The following OTULIN variants were observed in gnomAD, a reference collection of about 807,000 sequenced individuals.
OTULIN encodes OTU deubiquitinase with linear linkage specificity.
A neutral mutation model predicts 39.6 loss-of-function variants in OTULIN; 15 were observed. The observed-to-expected ratio is 0.38, with a 90% confidence interval of 0.25 to 0.58. The LOEUF is 0.58. Among genes scored for constraint, OTULIN ranks in the 20% least tolerant of loss-of-function variants. The probability of loss-of-function intolerance (pLI) is 0.66; values close to 1 mark genes in which losing one functional copy is unlikely to be tolerated. For missense variants in OTULIN, 319 were observed against 445.9 expected (o/e 0.72, Z 2.56); for synonymous variants, 156 against 170.3 (o/e 0.92, Z 0.65).
chr5:14,690,108 G>A lies in OTULIN; in HGVS notation c.664G>A (p.Glu222Lys), dbSNP rs1444821186. Residue 222 changes from glutamate (E) to lysine (K), a missense_variant, in exon 6 of 7, where the codon GAG becomes AAG. By Grantham distance (56) the Glu-to-Lys change is moderately conservative (BLOSUM62 1). This residue lies in a region of OTULIN where 106 missense variants were observed against 192.8 expected (regional missense o/e 0.55). Coordinates refer to ENST00000284274, the MANE Select transcript of OTULIN (RefSeq NM_138348.6). This position sits in a 1 kb window ranked among gnomAD's most constrained non-coding sequence, Gnocchi z 4.5. ...AGCTTGTGATGAACTATTCACAAAT[G>A]AGGCGGAGGAATATAGCCTCTATGA... Reference protein sequence around the residue: ...QIACDELFTNEAEEYSLYEAV... With the variant: ...QIACDELFTNKAEEYSLYEAV... The A allele has an allele frequency of 6.2e-7, 1 of 1,614,196 alleles. No homozygotes were observed.
chr5:14,688,486 T>G (rs1211441322), intron 5 of OTULIN, among the ~76,000 whole-genome samples: 1 of 152,224 alleles, frequency 6.6e-6, no homozygotes, highest in African/African-American at 2.4e-5. Flanking sequence ...GTGCATTCCT[T>G]GACACCCTGT....
intron 6 of OTULIN, 134 bp from the exon 7 acceptor site, chr5:14,692,719 TG>T: frequency 1.7e-6 from 1 of 597,218 alleles, no homozygotes; most frequent in Non-Finnish European, 2.9e-6. Flanking sequence ...GGATTGGGGC[TG>T]GGCCCAAAGC....
rs553496705 is a variant in OTULIN, at chr5:14,679,952, A to T, written c.324+1177A>T. 5.3e-5 allele frequency among the ~76,000 whole-genome samples: 8 copies of T among 152,316 alleles called. No homozygotes were observed. In the South Asian group the frequency reaches 1.5e-3, roughly 28 times the overall value. On this transcript the variant is annotated intron_variant, in intron 3 of 6. Coordinates refer to ENST00000284274, the MANE Select transcript of OTULIN (RefSeq NM_138348.6). Reference sequence around the variant, plus strand: ...ATTTTCCAACCTCTAGCCCATCAGGACCCATGGCAGTAATTAGAGCATCTC... The same window carrying T: ...ATTTTCCAACCTCTAGCCCATCAGGTCCCATGGCAGTAATTAGAGCATCTC...
intron 2 of OTULIN, among the ~76,000 whole-genome samples, chr5:14,677,385 T>C (rs565392611): frequency 3.9e-5 from 6 of 152,354 alleles, no homozygotes; most frequent in Non-Finnish European, 8.8e-5. Flanking sequence ...ATTTTTATTT[T>C]ATGTACAACT....
chr5:14,666,680 G>A (rs993206114), intron 1 of OTULIN, among the ~76,000 whole-genome samples: 1 of 152,118 alleles, frequency 6.6e-6, no homozygotes, highest in Non-Finnish European at 1.5e-5. Flanking sequence ...CCTTATTTTT[G>A]TTGCGTTTGA....
Position 14,694,409 on chromosome 5 carries a change from C to T in OTULIN, c.*1361C>T, listed in dbSNP as rs1434747473. On this transcript the variant is annotated 3_prime_UTR_variant, in exon 7 of 7. Coordinates refer to ENST00000284274, the MANE Select transcript of OTULIN (RefSeq NM_138348.6). ...GTTCACATGAACCGGAGACATCACT[C>T]TTTAGGATTCTACTGGCAGCCCCTG... 2 of 152,198 alleles carry T rather than the reference C, an allele frequency of 1.3e-5. No homozygotes were observed. Among genetic ancestry groups the T allele is most frequent in the African/African-American group, 4.8e-5 (2 of 41,446 alleles). 9.4% of individuals were successfully genotyped at this position (152,198 alleles called of 1,614,324 possible).
the OTULIN span, among the ~76,000 whole-genome samples, chr5:14,711,801 G>A: frequency 1.3e-5 from 2 of 152,194 alleles, no homozygotes. Context: ...TCACTTCCCT[G>A]CCATGTTGCC....
the OTULIN span, chr5:14,709,897 A>G: frequency 4.1e-4 from 63 of 152,750 alleles, no homozygotes; most frequent in Admixed American, 5.9e-4. Context: ...CATATACAGC[A>G]TATATTTATA....
chr5:14,690,855 C>T lies in OTULIN; in HGVS notation c.864+547C>T, dbSNP rs116283052. Among the ~76,000 whole-genome samples the T allele has an allele frequency of 9.7e-3, 1,478 of 152,314 alleles. 26 individuals carry two copies. The highest frequency in any genetic ancestry group is 0.033 in the African/African-American group (1,390 of 41,564). On this transcript the variant is annotated intron_variant, in intron 6 of 6. Coordinates refer to ENST00000284274, the MANE Select transcript of OTULIN (RefSeq NM_138348.6). The surrounding 1 kb of genome is among the most constrained non-coding windows in gnomAD (Gnocchi z 4.5). ...TTTACAGTCACCACCGTTATCTCAGCCTGGGCTTTATTCTTCAGAGGGGTG... is the reference window on the plus strand; with the variant it reads ...TTTACAGTCACCACCGTTATCTCAGTCTGGGCTTTATTCTTCAGAGGGGTG...
At chr5:14,712,951 C>T in the OTULIN span, 35 of 1,613,184 alleles carry the variant, frequency 2.2e-5, no homozygotes, top group Non-Finnish European at 2.6e-5. Flanking sequence ...AGGGAGCCCA[C>T]GCCCAGGGTC....
chr5:14,678,447 TGTGGATAATG>T (rs1458570359), intron 2 of OTULIN, among the ~76,000 whole-genome samples: 2 of 152,186 alleles, frequency 1.3e-5, no homozygotes, highest in Non-Finnish European at 2.9e-5. Flanking sequence ...CTAGCTATCA[TGTGGATAATG>T]GTCTGGAGAG....
At chr5:14,681,245 T>A (rs920023331) in intron 3 of OTULIN, among the ~76,000 whole-genome samples, 20 of 151,718 alleles carry the variant, frequency 1.3e-4, no homozygotes, top group African/African-American at 2.2e-4. Flanking sequence ...TTTTTTTTTT[T>A]AAAAGAGTTT....
At chr5:14,675,562 A>G (rs891081733) in intron 2 of OTULIN, among the ~76,000 whole-genome samples, 1 of 152,206 alleles carries the variant, frequency 6.6e-6, no homozygotes, top group African/African-American at 2.4e-5. Context: ...TCCTAAGAAG[A>G]AAGTGTGTAT....
rs1209610185 is a variant in OTULIN, at chr5:14,698,910, A to T, written c.*5862A>T. On this transcript the variant is annotated 3_prime_UTR_variant, in exon 7 of 7. Transcript: ENST00000284274. ...TCAGCTTGGGTCTGGATTCAACAGCATTCCCGCTGCCCACTAAAAGGGTGG... is the reference window on the plus strand; with the variant it reads ...TCAGCTTGGGTCTGGATTCAACAGCTTTCCCGCTGCCCACTAAAAGGGTGG... The T allele has an allele frequency of 2.0e-5, 3 of 152,314 alleles. No homozygotes were observed. Among genetic ancestry groups the T allele is most frequent in the Non-Finnish European group, 4.4e-5 (3 of 68,126 alleles). The allele number at this position is 152,314 out of a possible 1,614,324, so 9.4% of individuals were successfully genotyped here.
chr5:14,667,257 A>G lies in OTULIN; in HGVS notation c.152+2280A>G, dbSNP rs141051882. On this transcript the variant is annotated intron_variant, in intron 1 of 6. Transcript: ENST00000284274. Reference sequence around the variant, plus strand: ...GCTGTGGTGACGAGTAGAGAAAGAGATGGCTTATTTCCTAGGTAGCACACT... The same window carrying G: ...GCTGTGGTGACGAGTAGAGAAAGAGGTGGCTTATTTCCTAGGTAGCACACT... Among the ~76,000 whole-genome samples the G allele has an allele frequency of 3.3e-5, 5 of 152,340 alleles. No individual in the cohort carries two copies. The East Asian group carries it at 9.6e-4, about 29-fold the overall frequency.
intron 1 of OTULIN, among the ~76,000 whole-genome samples, chr5:14,672,865 T>C (rs1219999323): frequency 6.6e-6 from 1 of 152,244 alleles, no homozygotes; most frequent in African/African-American, 2.4e-5. Flanking sequence ...TTTGGGTTTC[T>C]GTTTCCCTTT....
At chr5:14,674,318 A>G (rs1488899003) in intron 2 of OTULIN, among the ~76,000 whole-genome samples, 1 of 152,230 alleles carries the variant, frequency 6.6e-6, no homozygotes, top group Non-Finnish European at 1.5e-5. Flanking sequence ...GTACATCCTT[A>G]GTTCCCTGAG....
chr5:14,711,426 C>T, the OTULIN span: 1 of 853,728 alleles, frequency 1.2e-6, no homozygotes, highest in Non-Finnish European at 2.0e-6. Flanking sequence ...AGGCTTAAAC[C>T]TTCTTATGGT....
At chr5:14,703,259 G>T (rs1736842661), downstream of OTULIN, among the ~76,000 whole-genome samples, 1 of 140,942 alleles carries the variant, frequency 7.1e-6, no homozygotes, top group Admixed American at 7.4e-5. Flanking sequence ...AGCTTATTGG[G>T]AGCAGAATTA....
Sources: allele counts gnomAD v4.1 joint callset (sites outside exome capture counted in the v4.1 genomes callset), GRCh38; gene constraint gnomAD v4.1.1; regional missense constraint gnomAD v4.1.1; non-coding constraint Gnocchi (gnomAD v3.1); transcripts MANE v1.5; gene names NCBI Gene and HGNC (gene_info 2026-07-23, HGNC 2026-07-21).